GALNT11: variants seen among roughly 807,000 people sequenced by gnomAD.
GALNT11 encodes the protein polypeptide N-acetylgalactosaminyltransferase 11, also known as UDP-GalNAc:polypeptide N-acetylgalactosaminyltransferase 11.
In GALNT11, 47 loss-of-function variants were observed where a neutral mutation model predicts 72.7. The observed-to-expected ratio is 0.65, with a 90% confidence interval of 0.51 to 0.82. GALNT11 has a LOEUF of 0.82. Among genes scored for constraint, GALNT11 ranks in the 40% least tolerant of loss-of-function variants. The pLI is 0.00. For missense variants in GALNT11, 677 were observed against 778.4 expected, an observed-to-expected ratio of 0.87 and a Z score of 1.55; for synonymous variants, 270 against 286.6, an observed-to-expected ratio of 0.94 and a Z score of 0.58.
At chr7:152,073,814 T>C (rs2084803148) in intron 1 of GALNT11, among the ~76,000 whole-genome samples, 1 of 152,164 alleles carries the variant, frequency 6.6e-6, no homozygotes, top group Admixed American at 6.5e-5. Context: ...TTGGTTTTGT[T>C]TTATTTGTCT....
intron 1 of GALNT11, among the ~76,000 whole-genome samples, chr7:152,078,990 C>A (rs1042317171): frequency 3.3e-5 from 5 of 149,510 alleles, no homozygotes; most frequent in Non-Finnish European, 7.3e-5. Context: ...CCTACTCTGT[C>A]TCCCTTGCCG....
intron 1 of GALNT11, among the ~76,000 whole-genome samples, chr7:152,077,523 C>A (rs2085057853): frequency 6.6e-6 from 1 of 152,078 alleles, no homozygotes; most frequent in South Asian, 2.1e-4. Context: ...GGCTGCCATC[C>A]AGAACACTCA....
chr7:152,090,458 G>C (rs1002485002), intron 1 of GALNT11, among the ~76,000 whole-genome samples: 2 of 152,024 alleles, frequency 1.3e-5, no homozygotes, highest in African/African-American at 4.8e-5. Flanking sequence ...ATATCCTATG[G>C]GTTTTAAAAA....
chr7:152,115,970 CG>C (rs1172938151), intron 8 of GALNT11, among the ~76,000 whole-genome samples: 1 of 152,046 alleles, frequency 6.6e-6, no homozygotes, highest in Non-Finnish European at 1.5e-5. Context: ...GCAGGAGAAT[CG>C]CTTGAACCTG....
intron 1 of GALNT11, among the ~76,000 whole-genome samples, chr7:152,059,076 C>T (rs2083856450): frequency 6.6e-6 from 1 of 152,036 alleles, no homozygotes; most frequent in Non-Finnish European, 1.5e-5. Flanking sequence ...ATATTTTGAC[C>T]TCCTCGAATG....
At chr7:152,075,558 T>C (rs117503208) in intron 1 of GALNT11, among the ~76,000 whole-genome samples, 2,998 of 23,136 alleles carry the variant, frequency 0.13, 43 homozygotes, top group Non-Finnish European at 0.15. Context: ...TCCCAGCACT[T>C]TGGGAGGCCA....
intron 1 of GALNT11, among the ~76,000 whole-genome samples, chr7:152,088,260 A>G (rs2085779557): frequency 6.6e-6 from 1 of 152,134 alleles, no homozygotes. Context: ...GTTTAGTATC[A>G]TGTTTGCTAC....
At position 152,047,236 on chromosome 7, in the gene GALNT11, C is replaced by T. The variant is rs190125598; in HGVS notation, c.-39+21352C>T. Among the ~76,000 whole-genome samples the T allele has an allele frequency of 2.4e-4, 36 of 152,046 alleles. No homozygotes were observed. In the East Asian group the frequency reaches 6.2e-3, roughly 26 times the overall value. Reference sequence around the variant, plus strand: ...CTGTAATCCCAGCACTTTGGTAGGCCGAGGCTGGGGGATCATTTGAGGTCA... The same window carrying T: ...CTGTAATCCCAGCACTTTGGTAGGCTGAGGCTGGGGGATCATTTGAGGTCA... On this transcript the variant is annotated intron_variant, in intron 1 of 11. Transcript: ENST00000430044.
chr7:152,112,377 A>G (rs1296847241), intron 7 of GALNT11, among the ~76,000 whole-genome samples: 1 of 152,084 alleles, frequency 6.6e-6, no homozygotes, highest in Non-Finnish European at 1.5e-5. Context: ...CGTCTCTACT[A>G]AAAATACAAA....
chr7:152,085,888 G>T (rs899738138), intron 1 of GALNT11, among the ~76,000 whole-genome samples: 2 of 147,018 alleles, frequency 1.4e-5, no homozygotes, highest in Non-Finnish European at 3.0e-5. Flanking sequence ...GCTAGTTTTT[G>T]TTTTTTGTTT....
Position 152,117,210 on chromosome 7 carries a change from C to T in GALNT11, c.1287C>T (p.Ile429=), listed in dbSNP as rs1291488861. The T allele has an allele frequency of 2.5e-6, 4 of 1,613,908 alleles. No homozygotes were observed. The highest frequency in any genetic ancestry group is 3.4e-6 in the Non-Finnish European group (4 of 1,180,018). The change falls in exon 9 of 12, where the codon ATC becomes ATT. Residue 429 remains isoleucine (I), a synonymous_variant. Coordinates refer to ENST00000430044, the MANE Select transcript of GALNT11 (RefSeq NM_022087.4). ...TGAAGACGAAAAGCTATGGCAATAT[C>T]AGTGAGCGTGTGGAACTGAGAAAGA... The part of the protein sequence containing the change: ...PDLKTKSYGN[I]SERVELRKKL...
chr7:152,081,969 T>C (rs150938577), intron 1 of GALNT11, among the ~76,000 whole-genome samples: 2,174 of 152,348 alleles, frequency 0.014, 28 homozygotes, highest in Non-Finnish European at 0.022. Flanking sequence ...GGATAGTTCA[T>C]AGTTTGTTCA....
chr7:152,098,378 T>C (rs2086531861), intron 2 of GALNT11, among the ~76,000 whole-genome samples: 1 of 151,964 alleles, frequency 6.6e-6, no homozygotes, highest in Non-Finnish European at 1.5e-5. Context: ...TGAGCCGAGA[T>C]TGCACTACTG....
intron 1 of GALNT11, among the ~76,000 whole-genome samples, chr7:152,088,181 A>G (rs893810239): frequency 6.6e-6 from 1 of 152,210 alleles, no homozygotes; most frequent in Non-Finnish European, 1.5e-5. Context: ...TATTTATGGT[A>G]GTGTGATACA....
intron 1 of GALNT11, among the ~76,000 whole-genome samples, chr7:152,054,434 C>T (rs2083551080): frequency 7.0e-6 from 1 of 143,152 alleles, no homozygotes. Context: ...AGTGATCTTT[C>T]CATTTTTTTT....
At chr7:152,060,400 G>C (rs115659415) in intron 1 of GALNT11, among the ~76,000 whole-genome samples, 4,041 of 151,848 alleles carry the variant, frequency 0.027, 177 homozygotes, top group African/African-American at 0.092. Flanking sequence ...TTGGCTGTTT[G>C]GTGCAAGAGG....
Position 152,050,629 on chromosome 7 carries a change from G to T in GALNT11, c.-39+24745G>T, listed in dbSNP as rs560632990. Among the ~76,000 whole-genome samples the T allele has an allele frequency of 2.6e-3, 389 of 152,238 alleles. 5 individuals carry two copies. The highest frequency in any genetic ancestry group is 3.9e-3 in the Non-Finnish European group (263 of 68,008). ...CAAGCACTCCCTTGGTGGTCCTGCT[G>T]GTGTCTTACTGGGCTGCGTGCCCTC... On this transcript the variant is annotated intron_variant, in intron 1 of 11. Coordinates refer to ENST00000430044, the MANE Select transcript of GALNT11 (RefSeq NM_022087.4).
intron 10 of GALNT11, chr7:152,120,277 G>A (rs955177660): frequency 1.9e-5 from 3 of 155,012 alleles, no homozygotes; most frequent in African/African-American, 7.2e-5. Context: ...TGGGTTCTAT[G>A]AGTTGAAGCA....
At chr7:152,047,010 T>C (rs2152021845) in intron 1 of GALNT11, among the ~76,000 whole-genome samples, 1 of 152,314 alleles carries the variant, frequency 6.6e-6, no homozygotes. Flanking sequence ...TAGTATCTTA[T>C]AACAATTTTA....
Sources: gnomAD v4.1 joint callset for allele counts (sites outside exome capture counted in the v4.1 genomes callset) on GRCh38, gnomAD v4.1.1 for gene constraint, MANE v1.5 for transcripts, NCBI Gene and HGNC (gene_info 2026-07-23, HGNC 2026-07-21) for gene names.